Variants in TMCO5A observed in about 807,000 individuals in gnomAD.
TMCO5A encodes transmembrane and coiled-coil domain-containing protein 5A.
Under a neutral mutation model 42.3 loss-of-function variants are expected in TMCO5A, and 34 were observed. That is an observed-to-expected ratio of 0.80 (90% CI 0.61 to 1.07). The LOEUF is 1.07. TMCO5A is among the 50% of genes least tolerant of loss of function. TMCO5A has a pLI of 0.00. For missense variants in TMCO5A, 357 were observed against 327.9 expected, an observed-to-expected ratio of 1.09 and a Z score of -0.69; for synonymous variants, 131 against 115.6, an observed-to-expected ratio of 1.13 and a Z score of -0.86.
chr15:37,957,236 G>T (rs893407278), intron 11 of TMCO5A, among the ~76,000 whole-genome samples: 1 of 152,082 alleles, frequency 6.6e-6, no homozygotes, highest in African/African-American at 2.4e-5. Flanking sequence ...GGAAGTTCTG[G>T]CCAGGGCAAT....
At chr15:37,954,132 G>T (rs1482331387), downstream of TMCO5A, among the ~76,000 whole-genome samples, 2 of 152,004 alleles carry the variant, frequency 1.3e-5, no homozygotes, top group East Asian at 3.9e-4. Flanking sequence ...AAACAGATAG[G>T]CATAGAAAGT....
chr15:37,990,796 C>A, the TMCO5A span, among the ~76,000 whole-genome samples: 3 of 151,832 alleles, frequency 2.0e-5, no homozygotes, highest in Non-Finnish European at 4.4e-5. Context: ...TATTCTATAG[C>A]CATTTTTATG....
chr15:37,953,522 C>T (rs1378525304), downstream of TMCO5A, among the ~76,000 whole-genome samples: 5 of 152,116 alleles, frequency 3.3e-5, no homozygotes, highest in African/African-American at 1.2e-4. Context: ...CTTAGGGTGG[C>T]CCCTAAAGCA....
At chr15:38,004,161 C>T in the TMCO5A span, among the ~76,000 whole-genome samples, 13 of 152,154 alleles carry the variant, frequency 8.5e-5, no homozygotes, top group East Asian at 1.9e-4. Flanking sequence ...TTCAAGACAG[C>T]GGGTTTCCTT....
downstream of TMCO5A, among the ~76,000 whole-genome samples, chr15:37,968,189 C>T (rs1218120106): frequency 6.6e-6 from 1 of 152,126 alleles, no homozygotes; most frequent in African/African-American, 2.4e-5. Flanking sequence ...AAATACTCAG[C>T]CCTACTCTGC....
At chr15:38,039,340 C>T in the TMCO5A span, among the ~76,000 whole-genome samples, 1 of 152,182 alleles carries the variant, frequency 6.6e-6, no homozygotes, top group African/African-American at 2.4e-5. Context: ...TATAGCTTCA[C>T]AGTGAGCTAA....
At chr15:37,951,773 A>C (rs1480329234), downstream of TMCO5A, among the ~76,000 whole-genome samples, 4 of 152,118 alleles carry the variant, frequency 2.6e-5, no homozygotes, top group African/African-American at 9.7e-5. Flanking sequence ...TATCTAAACA[A>C]AGAAAGCACC....
chr15:37,992,502 A>G, the TMCO5A span, among the ~76,000 whole-genome samples: 1 of 152,310 alleles, frequency 6.6e-6, no homozygotes, highest in South Asian at 2.1e-4. Flanking sequence ...CTGGGTATAT[A>G]CCCAAAGGAA....
At chr15:38,032,772 G>A in the TMCO5A span, among the ~76,000 whole-genome samples, 1 of 152,058 alleles carries the variant, frequency 6.6e-6, no homozygotes, top group African/African-American at 2.4e-5. Context: ...AACTCATTCT[G>A]TCTTACTTCC....
chr15:37,937,149 T>A (rs1889547070), intron 4 of TMCO5A, among the ~76,000 whole-genome samples, 179 bp downstream of exon 4: 1 of 152,152 alleles, frequency 6.6e-6, no homozygotes, highest in African/African-American at 2.4e-5. Context: ...CAATGTTTAA[T>A]CATTGGGAAG....
chr15:38,031,779 C>T, the TMCO5A span, among the ~76,000 whole-genome samples: 1 of 152,174 alleles, frequency 6.6e-6, no homozygotes, highest in Admixed American at 6.5e-5. Context: ...TAAATGATTA[C>T]TGTCTTAAGC....
the TMCO5A span, among the ~76,000 whole-genome samples, chr15:37,977,380 G>C: frequency 1.3e-5 from 2 of 152,192 alleles, no homozygotes; most frequent in South Asian, 4.1e-4. Flanking sequence ...AGTATAGTCT[G>C]TTGTCTTCAT....
the TMCO5A span, among the ~76,000 whole-genome samples, chr15:38,025,694 C>G: frequency 6.6e-6 from 1 of 152,190 alleles, no homozygotes; most frequent in African/African-American, 2.4e-5. Flanking sequence ...AGGTTTGACT[C>G]TGTGTCCCCA....
chr15:37,945,899 C>T (rs1889933303), intron 10 of TMCO5A, among the ~76,000 whole-genome samples: 1 of 152,064 alleles, frequency 6.6e-6, no homozygotes. Context: ...TCTAATTTTG[C>T]TTTTGTTGCA....
the TMCO5A span, among the ~76,000 whole-genome samples, chr15:38,037,877 G>A: frequency 6.6e-6 from 1 of 151,982 alleles, no homozygotes; most frequent in Admixed American, 6.6e-5. Flanking sequence ...GCCTGGCATG[G>A]TGGCACATGC....
the TMCO5A span, among the ~76,000 whole-genome samples, chr15:38,003,974 T>A: frequency 6.6e-6 from 1 of 151,350 alleles, no homozygotes; most frequent in Non-Finnish European, 1.5e-5. Context: ...GCAAAAGGAG[T>A]CTCTTTTTGT....
the TMCO5A span, among the ~76,000 whole-genome samples, chr15:38,006,051 A>T: frequency 6.6e-6 from 1 of 152,132 alleles, no homozygotes; most frequent in Non-Finnish European, 1.5e-5. Context: ...ATTGCTGGGG[A>T]GTGAGTGATG....
intron 6 of TMCO5A, 49 bp from the exon 7 acceptor site, chr15:37,941,100 T>C (rs1011273): frequency 0.062 from 97,897 of 1,589,024 alleles, 3,219 homozygotes; most frequent in Non-Finnish European, 0.068. Flanking sequence ...ATTCCATTCC[T>C]GCACAGCTTT....
At chr15:38,027,833 GC>G in the TMCO5A span, among the ~76,000 whole-genome samples, 6 of 152,078 alleles carry the variant, frequency 3.9e-5, no homozygotes, top group African/African-American at 1.4e-4. Context: ...TTCCCTCTTT[GC>G]TTGGTTTTCA....
Sources: gnomAD v4.1 joint callset for allele counts (sites outside exome capture counted in the v4.1 genomes callset) on GRCh38, gnomAD v4.1.1 for gene constraint, MANE v1.5 for transcripts, NCBI Gene and HGNC (gene_info 2026-07-23, HGNC 2026-07-21) for gene names.